Variants in PRKACA observed in about 807,000 individuals in gnomAD.
PRKACA encodes the protein cAMP-dependent protein kinase catalytic subunit alpha.
PRKACA carries 9 observed loss-of-function variants against 45.8 expected under a neutral mutation model. The observed-to-expected ratio is 0.20, with a 90% CI of 0.12 to 0.34. The LOEUF is 0.34. PRKACA is among the 10% of genes least tolerant of loss of function. The pLI, the probability that PRKACA is intolerant of heterozygous loss-of-function variation, is 1.00. For missense variants in PRKACA, 238 were observed against 458.6 expected (o/e 0.52, Z 4.39); for synonymous variants, 160 against 178.6 (o/e 0.90, Z 0.83).
chr19:14,104,891 A>G (rs751576794), intron 3 of PRKACA, among the ~76,000 whole-genome samples: 1 of 151,944 alleles, frequency 6.6e-6, no homozygotes, highest in Non-Finnish European at 1.5e-5. Flanking sequence ...AAACAAAACA[A>G]AACAAAACAA....
intron 1 of PRKACA, chr19:14,115,104 C>T (rs1248063502): frequency 1.0e-6 from 1 of 985,272 alleles, no homozygotes; most frequent in Non-Finnish European, 1.2e-6. Context: ...ATTTCCTTCT[C>T]TGGGAGCCTC....
intron 1 of PRKACA, among the ~76,000 whole-genome samples, chr19:14,110,194 C>T (rs1370347962): frequency 1.3e-5 from 2 of 150,974 alleles, no homozygotes; most frequent in African/African-American, 2.4e-5. Flanking sequence ...GGCCCATGCC[C>T]GCAGTTTCAG....
intron 1 of PRKACA, chr19:14,107,687 AC>A: frequency 1.6e-6 from 2 of 1,258,874 alleles, no homozygotes; most frequent in Non-Finnish European, 1.0e-6. Context: ...AGACCAGCCC[AC>A]CCCCACTCGC....
chr19:14,109,423 A>G (rs1033448068), intron 1 of PRKACA, among the ~76,000 whole-genome samples: 2 of 151,652 alleles, frequency 1.3e-5, no homozygotes, highest in African/African-American at 4.8e-5. Flanking sequence ...ACTCCAGCCT[A>G]GGCGACGGGG....
At chr19:14,096,016 GC>G (rs1977239604) in intron 8 of PRKACA, among the ~76,000 whole-genome samples, 1 of 146,208 alleles carries the variant, frequency 6.8e-6, no homozygotes, top group East Asian at 2.0e-4. Flanking sequence ...GCACCATCAC[GC>G]CCAGCTAATT....
At chr19:14,094,978 C>T (rs568731943) in intron 8 of PRKACA, among the ~76,000 whole-genome samples, 6 of 152,320 alleles carry the variant, frequency 3.9e-5, no homozygotes, top group African/African-American at 1.4e-4. Context: ...TGGCCCTTAA[C>T]CTCTCTGGGC....
intron 4 of PRKACA, 121 bp downstream of exon 4, chr19:14,102,695 A>C (rs995462146): frequency 2.4e-6 from 2 of 837,674 alleles, no homozygotes; most frequent in African/African-American, 3.4e-5. Flanking sequence ...TCCTCCAGGG[A>C]TCTTGTTCTT....
At chr19:14,107,117 T>G (rs1977635638) in intron 2 of PRKACA, among the ~76,000 whole-genome samples, 1 of 132,378 alleles carries the variant, frequency 7.6e-6, no homozygotes, top group African/African-American at 2.9e-5. Flanking sequence ...TGCTGGCAGC[T>G]GTGCTGGGGG....
intron 1 of PRKACA, among the ~76,000 whole-genome samples, chr19:14,109,783 C>T (rs1272475871): frequency 6.7e-6 from 1 of 148,864 alleles, no homozygotes; most frequent in Non-Finnish European, 1.5e-5. Context: ...ACTAAAAATA[C>T]AAAAATTAGC....
chr19:14,114,246 C>T, intron 1 of PRKACA: 2 of 1,543,174 alleles, frequency 1.3e-6, no homozygotes, highest in Admixed American at 1.9e-5. Context: ...GTCCCCAGAA[C>T]CCTGCCTGCA....
rs1977123072 is a variant in PRKACA, at chr19:14,092,873, G to A, written c.*239C>T. 1.9e-6 allele frequency: 1 copy of A among 525,030 alleles called. No individual in the cohort carries two copies. The highest frequency in any genetic ancestry group is 3.3e-6 in the Non-Finnish European group (1 of 300,450). The allele number at this position is 525,030 out of a possible 1,614,324, so 32.5% of individuals were successfully genotyped here. A position where few individuals can be genotyped will look rare whatever the true frequency, so the allele number is the denominator to read the frequency against. ...GGGGCTGGGGGGCTGTGGGGAAAGAGGAAGGGAAAAGTGGGAGAGGGGGCA... is the reference window on the plus strand; with the variant it reads ...GGGGCTGGGGGGCTGTGGGGAAAGAAGAAGGGAAAAGTGGGAGAGGGGGCA... On this transcript the variant is annotated 3_prime_UTR_variant, in exon 10 of 10. Transcript: ENST00000308677.
intron 8 of PRKACA, among the ~76,000 whole-genome samples, chr19:14,095,252 C>A (rs1040905263): frequency 2.2e-4 from 33 of 150,988 alleles, no homozygotes; most frequent in Non-Finnish European, 4.3e-4. Context: ...CTCACTGCAA[C>A]CTCTGCCTCC....
At chr19:14,093,416 G>A (rs75973396) in intron 9 of PRKACA, among the ~76,000 whole-genome samples, 179 bp from the exon 10 acceptor site, 2,179 of 152,244 alleles carry the variant, frequency 0.014, 34 homozygotes, top group Non-Finnish European at 0.022. Context: ...TCATCAAAGG[G>A]GAAATTACTT....
At chr19:14,106,639 G>T in intron 3 of PRKACA, 121 bp downstream of exon 3, 3 of 1,388,174 alleles carry the variant, frequency 2.2e-6, no homozygotes, top group South Asian at 2.6e-5. Context: ...GAGCGACAGA[G>T]CGAGACTCTG....
intron 1 of PRKACA, chr19:14,114,228 G>A (rs1195465296): frequency 1.9e-6 from 3 of 1,574,488 alleles, no homozygotes; most frequent in Non-Finnish European, 2.6e-6. Context: ...GTGTCTGTTC[G>A]GCTGTCTGTC....
intron 1 of PRKACA, among the ~76,000 whole-genome samples, chr19:14,111,873 G>A (rs1966975494): frequency 6.6e-6 from 1 of 152,214 alleles, no homozygotes; most frequent in Admixed American, 6.5e-5. Context: ...CAAGAAGGCA[G>A]AGAGGTGCCA....
chr19:14,093,056 C>T lies in PRKACA; in HGVS notation c.*56G>A. On this transcript the variant is annotated 3_prime_UTR_variant, in exon 10 of 10. Coordinates refer to ENST00000308677, the MANE Select transcript of PRKACA (RefSeq NM_002730.4). ...TGTTCAATCCAACCCTCCCACCCCCCCGACCAAAAAAAAGAAAAAAGAAAA... is the reference window on the plus strand; with the variant it reads ...TGTTCAATCCAACCCTCCCACCCCCTCGACCAAAAAAAAGAAAAAAGAAAA... 1.5e-6 allele frequency: 2 copies of T among 1,339,998 alleles called. No individual in the cohort carries two copies. Among genetic ancestry groups the T allele is most frequent in the African/African-American group, 1.5e-5 (1 of 66,964 alleles). 83.0% of individuals were successfully genotyped at this position (1,339,998 alleles called of 1,614,324 possible).
chr19:14,100,683 G>A lies in PRKACA; in HGVS notation c.419+143C>T, dbSNP rs957843860. On this transcript the variant is annotated intron_variant, in intron 5 of 9. Transcript: ENST00000308677. ...AAATATCACATATTCCTCAGCAGAGGGGAAACAGAAACCCACAGGGTCTGG... is the reference window on the plus strand; with the variant it reads ...AAATATCACATATTCCTCAGCAGAGAGGAAACAGAAACCCACAGGGTCTGG... 52 of 754,476 alleles carry A rather than the reference G, an allele frequency of 6.9e-5. No homozygotes were observed. In the Middle Eastern group the frequency reaches 1.1e-3, roughly 16 times the overall value. The allele number at this position is 754,476 out of a possible 1,614,324, so 46.7% of individuals were successfully genotyped here. A position where few individuals can be genotyped will look rare whatever the true frequency, so the allele number is the denominator to read the frequency against.
At chr19:14,101,318 C>CTGTAT (rs1473302358) in intron 4 of PRKACA, 1 of 194,422 alleles carries the variant, frequency 5.1e-6, no homozygotes, top group Non-Finnish European at 1.1e-5. Flanking sequence ...TGTATAATCC[C>CTGTAT]AGTACTTTGG....
Sources: gnomAD v4.1 joint callset for allele counts (sites outside exome capture counted in the v4.1 genomes callset) on GRCh38, gnomAD v4.1.1 for gene constraint, MANE v1.5 for transcripts, NCBI Gene and HGNC (gene_info 2026-07-23, HGNC 2026-07-21) for gene names.